The following KIF26B variants were observed in gnomAD, a reference collection of about 807,000 sequenced individuals.
The protein encoded by KIF26B is kinesin-like protein KIF26B.
KIF26B carries 63 observed loss-of-function variants against 151.2 expected under a neutral mutation model. That is an observed-to-expected ratio of 0.42 (90% confidence interval 0.34 to 0.51). The LOEUF is 0.51. KIF26B is among the 20% of genes least tolerant of loss of function. The pLI, the probability that KIF26B is intolerant of heterozygous loss-of-function variation, is 0.07. For missense variants in KIF26B, 2,813 were observed against 2,913.6 expected, an observed-to-expected ratio of 0.97 and a Z score of 0.79; for synonymous variants, 1,357 against 1,262.1, an observed-to-expected ratio of 1.08 and a Z score of -1.59.
intron 2 of KIF26B, among the ~76,000 whole-genome samples, chr1:245,260,911 C>G (rs574245397): frequency 4.7e-4 from 71 of 152,332 alleles, no homozygotes; most frequent in African/African-American, 1.7e-3. Flanking sequence ...ACATAGCTCT[C>G]TGTAGATGCT....
intron 2 of KIF26B, among the ~76,000 whole-genome samples, chr1:245,345,916 T>A (rs913253788): frequency 2.0e-5 from 3 of 149,240 alleles, no homozygotes; most frequent in African/African-American, 5.1e-5. Context: ...CTCAGGTATT[T>A]CTTTTTCTTT....
At chr1:245,231,046 G>A (rs1669985189) in intron 2 of KIF26B, among the ~76,000 whole-genome samples, 1 of 151,800 alleles carries the variant, frequency 6.6e-6, no homozygotes, top group African/African-American at 2.4e-5. Flanking sequence ...AGATTCTACT[G>A]AAAAAAATTA....
chr1:245,398,352 G>A (rs527413751), intron 3 of KIF26B, among the ~76,000 whole-genome samples: 1 of 152,290 alleles, frequency 6.6e-6, no homozygotes, highest in East Asian at 1.9e-4. Context: ...GGTGTAGGCA[G>A]CCAGGGTTCA....
chr1:245,285,964 C>T (rs1217982217), intron 2 of KIF26B, among the ~76,000 whole-genome samples: 2 of 145,030 alleles, frequency 1.4e-5, no homozygotes, highest in Non-Finnish European at 3.0e-5. Flanking sequence ...CACCACTGCA[C>T]TCCAGCCTGG....
At chr1:245,182,490 G>A (rs967031830) in intron 2 of KIF26B, among the ~76,000 whole-genome samples, 1 of 152,056 alleles carries the variant, frequency 6.6e-6, no homozygotes, top group African/African-American at 2.4e-5. Flanking sequence ...TGGCTATGTG[G>A]GCTATTTCTA....
chr1:245,623,182 T>G (rs922644174), intron 9 of KIF26B, among the ~76,000 whole-genome samples: 3 of 152,034 alleles, frequency 2.0e-5, no homozygotes, highest in Non-Finnish European at 4.4e-5. Context: ...AATGAATATA[T>G]TCTTCACCCC....
chr1:245,159,862 G>A lies in KIF26B; in HGVS notation c.465+3179G>A, dbSNP rs116338253. On this transcript the variant is annotated intron_variant, in intron 2 of 14. Coordinates refer to ENST00000407071, the MANE Select transcript of KIF26B (RefSeq NM_018012.4). ...ATCTTATTCTGAGCACTCCAATGGA[G>A]GATAGGGCTTCATGGTAGAAAATGA... 4.3e-3 allele frequency among the ~76,000 whole-genome samples: 660 copies of A among 152,294 alleles called. 1 individual carries two copies. The highest frequency in any genetic ancestry group is 0.015 in the African/African-American group (640 of 41,548).
chr1:245,158,991 G>A (rs1668492467), intron 2 of KIF26B, among the ~76,000 whole-genome samples: 1 of 152,150 alleles, frequency 6.6e-6, no homozygotes. Flanking sequence ...TGGAGGCCAT[G>A]TAACTTGGAT....
intron 5 of KIF26B, among the ~76,000 whole-genome samples, chr1:245,561,866 T>A (rs912739758): frequency 4.6e-5 from 7 of 152,214 alleles, no homozygotes; most frequent in African/African-American, 1.7e-4. Context: ...TCAGTCCACC[T>A]GATTCTCACT....
At chr1:245,623,898 T>C (rs2043692805) in intron 9 of KIF26B, among the ~76,000 whole-genome samples, 1 of 152,188 alleles carries the variant, frequency 6.6e-6, no homozygotes, top group Non-Finnish European at 1.5e-5. Context: ...TATGGTTATA[T>C]GGTTTGGCTC....
chr1:245,171,440 A>C (rs1668707109), intron 2 of KIF26B, among the ~76,000 whole-genome samples: 1 of 152,126 alleles, frequency 6.6e-6, no homozygotes, highest in Non-Finnish European at 1.5e-5. Flanking sequence ...GCTACTCCGG[A>C]AGCTAAGGCA....
At chr1:245,414,481 C>T in intron 3 of KIF26B, among the ~76,000 whole-genome samples, 1 of 152,184 alleles carries the variant, frequency 6.6e-6, no homozygotes, top group East Asian at 1.9e-4. Context: ...TTGGTCTGAG[C>T]AGGGCTGAAG....
intron 10 of KIF26B, among the ~76,000 whole-genome samples, chr1:245,657,078 C>T (rs1170314463): frequency 6.6e-6 from 1 of 152,116 alleles, no homozygotes; most frequent in Non-Finnish European, 1.5e-5. Context: ...ACCACAGTTG[C>T]TGTTTCTTTT....
At chr1:245,599,722 C>T (rs2043371214) in intron 5 of KIF26B, among the ~76,000 whole-genome samples, 1 of 152,062 alleles carries the variant, frequency 6.6e-6, no homozygotes, top group Non-Finnish European at 1.5e-5. Context: ...AGGGACCTTC[C>T]CAAAGTTGCG....
intron 2 of KIF26B, chr1:245,353,988 GCTTAAGGCTGTGTTGTTATT>G (rs1011609653): frequency 1.3e-5 from 2 of 152,530 alleles, no homozygotes; most frequent in Non-Finnish European, 2.9e-5. Context: ...TACATCCTCT[GCTTAAGGCTGTGTTGTTATT>G]TCTGATGTTT....
intron 12 of KIF26B, among the ~76,000 whole-genome samples, chr1:245,690,417 C>T (rs1264958253): frequency 6.6e-6 from 1 of 152,214 alleles, no homozygotes; most frequent in East Asian, 1.9e-4. Context: ...TTCCCCTTTC[C>T]TACTGCTCCA....
At chr1:245,355,671 A>G (rs1672680578) in intron 2 of KIF26B, among the ~76,000 whole-genome samples, 1 of 152,046 alleles carries the variant, frequency 6.6e-6, no homozygotes, top group African/African-American at 2.4e-5. Flanking sequence ...ATTGGAGTAG[A>G]GAGAGAATTT....
chr1:245,619,366 G>A (rs935136064), intron 9 of KIF26B, among the ~76,000 whole-genome samples: 11 of 152,222 alleles, frequency 7.2e-5, no homozygotes, highest in South Asian at 6.2e-4. Context: ...CTCTGCTCTC[G>A]AACTCCTGAC....
chr1:245,392,927 T>C (rs1460692559), intron 3 of KIF26B, among the ~76,000 whole-genome samples: 2 of 152,158 alleles, frequency 1.3e-5, no homozygotes, highest in African/African-American at 4.8e-5. Flanking sequence ...TCCCAGCACA[T>C]TGGGAGGTCA....
Sources: gnomAD v4.1 joint callset for allele counts (sites outside exome capture counted in the v4.1 genomes callset) on GRCh38, gnomAD v4.1.1 for gene constraint, MANE v1.5 for transcripts, NCBI Gene and HGNC (gene_info 2026-07-23, HGNC 2026-07-21) for gene names.